AR: variants seen among roughly 807,000 people sequenced by gnomAD.
AR encodes the protein androgen receptor, also known as dihydrotestosterone receptor.
A neutral mutation model predicts 53.9 loss-of-function variants in AR; 8 were observed. That is an observed-to-expected ratio of 0.15 (90% CI 0.09 to 0.27). The LOEUF (loss-of-function observed/expected upper bound fraction) is 0.27. Among genes scored for constraint, AR ranks in the 10% least tolerant of loss-of-function variants. The probability of loss-of-function intolerance (pLI) is 1.00; values close to 1 mark genes in which losing one functional copy is unlikely to be tolerated. For synonymous variants in AR, 359 were observed against 316.4 expected, an observed-to-expected ratio of 1.13 and a Z score of -1.43; for missense variants, 639 against 742.5, an observed-to-expected ratio of 0.86 and a Z score of 1.62.
intron 1 of AR, among the ~76,000 whole-genome samples, chrX:67,601,955 C>T (rs1281428064): frequency 1.8e-5 from 2 of 111,589 alleles, no homozygotes; most frequent in African/African-American, 3.3e-5. Flanking sequence ...GGCCCCCTGC[C>T]TTCCATTTTA....
intron 1 of AR, among the ~76,000 whole-genome samples, chrX:67,555,975 T>A (rs1403183953): frequency 4.4e-5 from 5 of 112,513 alleles, no homozygotes; most frequent in Non-Finnish European, 3.8e-5. Flanking sequence ...TGGCAAGCAT[T>A]TTTTAGTAAT....
At chrX:67,701,272 G>C (rs1298348961) in intron 3 of AR, among the ~76,000 whole-genome samples, 1 of 111,392 alleles carries the variant, frequency 9.0e-6, no homozygotes. Flanking sequence ...CATGTGGCTA[G>C]TTGGCTACTA....
At chrX:67,663,188 G>A (rs1319705552) in intron 2 of AR, among the ~76,000 whole-genome samples, 1 of 111,559 alleles carries the variant, frequency 9.0e-6, no homozygotes, top group Non-Finnish European at 1.9e-5. Context: ...TGGTTATTTT[G>A]CTCGTTAGTT....
chrX:67,709,993 G>A (rs758957994), intron 3 of AR, among the ~76,000 whole-genome samples: 6 of 111,543 alleles, frequency 5.4e-5, no homozygotes, highest in Admixed American at 2.9e-4. Context: ...CCAGTGATAT[G>A]TGTGCCTGCC....
At chrX:67,570,960 G>C (rs1250816653) in intron 1 of AR, among the ~76,000 whole-genome samples, 1 of 110,391 alleles carries the variant, frequency 9.1e-6, no homozygotes, top group African/African-American at 3.3e-5. Flanking sequence ...TCAGGATGGA[G>C]TGCACAGGAA....
chrX:67,709,216 C>T (rs980853710), intron 3 of AR, among the ~76,000 whole-genome samples: 13 of 112,135 alleles, frequency 1.2e-4, no homozygotes, highest in South Asian at 3.8e-4. Flanking sequence ...GCCTTTTGTT[C>T]GGCTATGCCC....
At chrX:67,708,458 G>A (rs756742540) in intron 3 of AR, among the ~76,000 whole-genome samples, 14 of 111,456 alleles carry the variant, frequency 1.3e-4, no homozygotes, top group South Asian at 1.1e-3. Context: ...TTGTGCATTC[G>A]TCATATAGTT....
At chrX:67,624,498 G>A (rs902747071) in intron 1 of AR, among the ~76,000 whole-genome samples, 2 of 111,383 alleles carry the variant, frequency 1.8e-5, no homozygotes, top group Non-Finnish European at 3.8e-5. Flanking sequence ...GAAGAGGCTG[G>A]AACCCTTTCC....
intron 1 of AR, among the ~76,000 whole-genome samples, chrX:67,599,874 G>A (rs1049825683): frequency 1.8e-5 from 2 of 111,313 alleles, no homozygotes; most frequent in African/African-American, 6.5e-5. Context: ...TATGATATGC[G>A]CATATGGAAT....
At chrX:67,635,583 G>GGAGA (rs750057449) in intron 1 of AR, among the ~76,000 whole-genome samples, 10 of 108,073 alleles carry the variant, frequency 9.3e-5, no homozygotes, top group Non-Finnish European at 1.2e-4. Flanking sequence ...AAGGAGTCAG[G>GGAGA]GAGAGAGAGA....
At chrX:67,679,991 T>G (rs1367024541) in intron 2 of AR, among the ~76,000 whole-genome samples, 1 of 112,419 alleles carries the variant, frequency 8.9e-6, no homozygotes, top group South Asian at 3.6e-4. Context: ...CCTTTAAAAA[T>G]TTTGAAATTT....
At chrX:67,576,592 T>C (rs1268690536) in intron 1 of AR, among the ~76,000 whole-genome samples, 1 of 111,409 alleles carries the variant, frequency 9.0e-6, no homozygotes, top group Non-Finnish European at 1.9e-5. Flanking sequence ...AGCATCCTCC[T>C]CCTAATACAC....
At chrX:67,628,970 C>T (rs1924882045) in intron 1 of AR, among the ~76,000 whole-genome samples, 1 of 111,744 alleles carries the variant, frequency 8.9e-6, no homozygotes, top group Admixed American at 9.5e-5. Flanking sequence ...ACCAGCCTTG[C>T]ATCCCAAGGA....
chrX:67,651,240 G>C (rs1050323309), intron 2 of AR, among the ~76,000 whole-genome samples: 2 of 106,430 alleles, frequency 1.9e-5, no homozygotes, highest in Admixed American at 2.0e-4. Context: ...GTAGAGACAG[G>C]GTTTCACCAT....
At chrX:67,569,137 G>A in intron 1 of AR, 1 of 719,657 alleles carries the variant, frequency 1.4e-6, no homozygotes, top group Non-Finnish European at 1.9e-6. Context: ...TAGGCATCTA[G>A]ACTAGCTTGC....
chrX:67,634,642 G>T (rs1161923996), intron 1 of AR, among the ~76,000 whole-genome samples: 1 of 111,401 alleles, frequency 9.0e-6, no homozygotes, highest in South Asian at 3.8e-4. Flanking sequence ...TGCTGCCCTC[G>T]TGAATGAACA....
chrX:67,598,833 T>C (rs1243785935), intron 1 of AR, among the ~76,000 whole-genome samples: 2 of 110,631 alleles, frequency 1.8e-5, no homozygotes, highest in African/African-American at 6.6e-5. Flanking sequence ...AATGTCTTCT[T>C]ATGATCCAAA....
At chrX:67,573,769 G>A (rs1178093834) in intron 1 of AR, among the ~76,000 whole-genome samples, 1 of 111,807 alleles carries the variant, frequency 8.9e-6, no homozygotes, top group African/African-American at 3.3e-5. Flanking sequence ...GTCACACAGC[G>A]AGTTATTGTC....
chrX:67,616,040 A>G, intron 1 of AR, among the ~76,000 whole-genome samples: 1 of 111,535 alleles, frequency 9.0e-6, no homozygotes, highest in East Asian at 2.8e-4. Context: ...TAAAGTTTTT[A>G]TAACCTACTG....
Sources: allele counts gnomAD v4.1 joint callset (sites outside exome capture counted in the v4.1 genomes callset), GRCh38; gene constraint gnomAD v4.1.1; transcripts MANE v1.5; gene names NCBI Gene and HGNC (gene_info 2026-07-23, HGNC 2026-07-21).